Variants in THSD4 observed in about 807,000 individuals in gnomAD.
THSD4 encodes the protein thrombospondin type 1 domain containing 4.
A neutral mutation model predicts 119.0 loss-of-function variants in THSD4; 69 were observed. The ratio of observed to expected loss-of-function variants is 0.58; its 90% CI spans 0.48 to 0.71. THSD4 has a LOEUF of 0.71. Among genes scored for constraint, THSD4 ranks in the 30% least tolerant of loss-of-function variants. The pLI, the probability that THSD4 is intolerant of heterozygous loss-of-function variation, is 0.00. For synonymous variants in THSD4, 524 were observed against 540.4 expected, an observed-to-expected ratio of 0.97 and a Z score of 0.42; for missense variants, 1,393 against 1,391.1, an observed-to-expected ratio of 1.00 and a Z score of -0.02.
chr15:71,374,394 G>A lies in THSD4; in HGVS notation c.1016-37293G>A, dbSNP rs573710886. On this transcript the variant is annotated intron_variant, in intron 6 of 17. Transcript: ENST00000261862. Reference sequence around the variant, plus strand: ...GGATAAGAGAGAGATCAGCAAGTGAGTATCTGTTACTTCTTATCCCATCTA... The same window carrying A: ...GGATAAGAGAGAGATCAGCAAGTGAATATCTGTTACTTCTTATCCCATCTA... 1.4e-3 allele frequency among the ~76,000 whole-genome samples: 214 copies of A among 152,328 alleles called. 2 individuals are homozygous for A. The highest frequency in any genetic ancestry group is 5.0e-3 in the African/African-American group (206 of 41,572).
At chr15:71,165,521 T>A in intron 3 of THSD4, 3 of 800,854 alleles carry the variant, frequency 3.7e-6, no homozygotes, top group South Asian at 3.4e-5. Flanking sequence ...GCCAAAACAG[T>A]CATTTTTGTA....
intron 6 of THSD4, chr15:71,341,323 G>A (rs765447053): frequency 6.2e-7 from 1 of 1,604,488 alleles, no homozygotes; most frequent in South Asian, 1.1e-5. Flanking sequence ...CATGAGCTCT[G>A]TAGGTCCGGC....
intron 6 of THSD4, among the ~76,000 whole-genome samples, chr15:71,395,496 C>A (rs989694697): frequency 6.6e-6 from 1 of 152,158 alleles, no homozygotes; most frequent in Admixed American, 6.5e-5. Context: ...AATCTCAGCA[C>A]TTTGGGAGGC....
intron 7 of THSD4, among the ~76,000 whole-genome samples, chr15:71,626,709 C>T (rs979723821): frequency 3.9e-5 from 6 of 152,176 alleles, no homozygotes; most frequent in Admixed American, 1.3e-4. Flanking sequence ...CTGATTATAA[C>T]GCATTACCAC....
intron 8 of THSD4, among the ~76,000 whole-genome samples, chr15:71,716,689 C>T (rs978090032): frequency 6.6e-6 from 1 of 151,806 alleles, no homozygotes; most frequent in Non-Finnish European, 1.5e-5. Context: ...TCCTGCCCAG[C>T]CACGGTGCAC....
chr15:71,375,584 G>A (rs60884067), intron 6 of THSD4, among the ~76,000 whole-genome samples: 29,526 of 152,130 alleles, frequency 0.19, 2,907 homozygotes, highest in African/African-American at 0.25. Flanking sequence ...TCCACAAGCA[G>A]TATTGATGAT....
At chr15:71,758,943 C>T (rs1207287146) in intron 15 of THSD4, among the ~76,000 whole-genome samples, 1 of 152,118 alleles carries the variant, frequency 6.6e-6, no homozygotes, top group Non-Finnish European at 1.5e-5. Flanking sequence ...AACCCAGTCA[C>T]CCCACTCCTG....
intron 7 of THSD4, among the ~76,000 whole-genome samples, chr15:71,656,239 G>T (rs2051188759): frequency 6.6e-6 from 1 of 152,070 alleles, no homozygotes; most frequent in Non-Finnish European, 1.5e-5. Flanking sequence ...GTAGTATACT[G>T]CTGTCAATGG....
At chr15:71,156,780 A>C (rs2040782489) in intron 3 of THSD4, among the ~76,000 whole-genome samples, 1 of 152,176 alleles carries the variant, frequency 6.6e-6, no homozygotes, top group Non-Finnish European at 1.5e-5. Context: ...AACTCCGTGA[A>C]AGTAGGAACT....
chr15:71,532,984 C>T (rs946050441), intron 7 of THSD4, among the ~76,000 whole-genome samples: 32 of 152,156 alleles, frequency 2.1e-4, no homozygotes, highest in African/African-American at 7.7e-4. Flanking sequence ...GAAAGAAAGC[C>T]AGTCCTTTTG....
chr15:71,497,465 G>A (rs2065462271), intron 7 of THSD4, among the ~76,000 whole-genome samples: 1 of 151,606 alleles, frequency 6.6e-6, no homozygotes, highest in Non-Finnish European at 1.5e-5. Context: ...GTGAGCCAAC[G>A]TCGCACTACA....
rs1165966130 is a variant in THSD4, at chr15:71,771,093, G to C, written c.2799G>C (p.Arg933=). The C allele has an allele frequency of 6.2e-7, 1 of 1,614,174 alleles. No homozygotes were observed. Among genetic ancestry groups the C allele is most frequent in the South Asian group, 1.1e-5 (1 of 91,074 alleles). ...MCSKSCQGGF[R]VREVRCLSDD... is the part of the protein sequence containing the mutation. Reference sequence around the variant, plus strand: ...CCAAGAGCTGCCAGGGTGGCTTTCGGGTCCGGGAAGTGCGGTGTCTGTCTG... The same window carrying C: ...CCAAGAGCTGCCAGGGTGGCTTTCGCGTCCGGGAAGTGCGGTGTCTGTCTG... Residue 933 remains arginine (R), a synonymous_variant, in exon 17 of 18, where the codon CGG becomes CGC. Coordinates refer to ENST00000261862, the MANE Select transcript of THSD4 (RefSeq NM_024817.3).
intron 8 of THSD4, among the ~76,000 whole-genome samples, chr15:71,690,965 A>G (rs2052036092): frequency 6.6e-6 from 1 of 152,238 alleles, no homozygotes; most frequent in Non-Finnish European, 1.5e-5. Context: ...GATGGAATTA[A>G]GGTCCTAATG....
At chr15:71,679,614 A>G (rs1412315669) in intron 8 of THSD4, among the ~76,000 whole-genome samples, 1 of 152,264 alleles carries the variant, frequency 6.6e-6, no homozygotes, top group Non-Finnish European at 1.5e-5. Context: ...AATGTGAGGC[A>G]TGTTCTGGAC....
At chr15:71,316,655 C>G (rs2045190340) in intron 6 of THSD4, among the ~76,000 whole-genome samples, 1 of 152,136 alleles carries the variant, frequency 6.6e-6, no homozygotes, top group African/African-American at 2.4e-5. Context: ...CTAGATACAA[C>G]TGAACCTGGG....
Position 71,441,694 on chromosome 15 carries a change from C to T in THSD4, c.1152+29871C>T, listed in dbSNP as rs150752344. On this transcript the variant is annotated intron_variant, in intron 7 of 17. Transcript: ENST00000261862. ...AGGCGTGAGCCACCATGTCCAGCCTCACCTGTAGAACTTTAAGAAGATATA... is the reference window on the plus strand; with the variant it reads ...AGGCGTGAGCCACCATGTCCAGCCTTACCTGTAGAACTTTAAGAAGATATA... 5.6e-3 allele frequency among the ~76,000 whole-genome samples: 850 copies of T among 152,004 alleles called. 8 individuals are homozygous for T. Among genetic ancestry groups the T allele is most frequent in the African/African-American group, 0.02 (819 of 41,474 alleles).
chr15:71,478,878 G>A (rs1338311341), intron 7 of THSD4, among the ~76,000 whole-genome samples: 1 of 152,112 alleles, frequency 6.6e-6, no homozygotes, highest in East Asian at 1.9e-4. Flanking sequence ...TTAGAAAAGG[G>A]ACTGTTTGCT....
intron 4 of THSD4, among the ~76,000 whole-genome samples, chr15:71,224,982 AG>A (rs916574549): frequency 6.6e-6 from 1 of 152,052 alleles, no homozygotes; most frequent in African/African-American, 2.4e-5. Context: ...TTTGGAAGGG[AG>A]GGGGGACATT....
chr15:71,332,558 A>C (rs1205778166), intron 6 of THSD4, among the ~76,000 whole-genome samples: 1 of 152,188 alleles, frequency 6.6e-6, no homozygotes, highest in Non-Finnish European at 1.5e-5. Context: ...CAGGGAAGTC[A>C]GGTACCCAAG....
Sources: allele counts gnomAD v4.1 joint callset (sites outside exome capture counted in the v4.1 genomes callset), GRCh38; gene constraint gnomAD v4.1.1; transcripts MANE v1.5; gene names NCBI Gene and HGNC (gene_info 2026-07-23, HGNC 2026-07-21).